The following ARMH1 variants were observed in gnomAD, a reference collection of about 807,000 sequenced individuals.
ARMH1 encodes armadillo-like helical domain containing protein 1.
Under a neutral mutation model 50.2 loss-of-function variants are expected in ARMH1, and 34 were observed. That is an observed-to-expected ratio of 0.68 (90% CI 0.51 to 0.90). ARMH1 has a LOEUF of 0.90. Among genes scored for constraint, ARMH1 ranks in the 40% least tolerant of loss-of-function variants. ARMH1 has a pLI of 0.00. For synonymous variants in ARMH1, 221 were observed against 224.2 expected (o/e 0.99, Z 0.13); for missense variants, 538 against 553.9 (o/e 0.97, Z 0.29).
intron 6 of ARMH1, among the ~76,000 whole-genome samples, chr1:44,708,102 C>A (rs1046345731): frequency 6.6e-6 from 1 of 152,150 alleles, no homozygotes; most frequent in Non-Finnish European, 1.5e-5. Flanking sequence ...TCAGAGTAGA[C>A]GGGAAGTTAA....
Position 44,724,348 on chromosome 1 carries a change from C to A in ARMH1, c.876C>A (p.Ser292Arg). ...SDPSVLQLTP[S>R]LPMFLQQAAA... Reference sequence around the variant, plus strand: ...CCTCGGTTCTCCAGCTCACCCCCAGCCTGCCGATGTTTTTGCAGCAGGCCG... The same window carrying A: ...CCTCGGTTCTCCAGCTCACCCCCAGACTGCCGATGTTTTTGCAGCAGGCCG... Residue 292 changes from serine to arginine, a missense_variant, in exon 8 of 12, where the codon AGC becomes AGA. Transcript: ENST00000535358. The surrounding 1 kb of genome is among the most constrained non-coding windows in gnomAD (Gnocchi z 6.4). 6.4e-7 allele frequency: 1 copy of A among 1,551,536 alleles called. No homozygotes were observed. The highest frequency in any genetic ancestry group is 1.2e-5 in the South Asian group (1 of 84,058).
intron 6 of ARMH1, among the ~76,000 whole-genome samples, chr1:44,714,897 G>GT (rs1165197563): frequency 6.6e-6 from 1 of 150,692 alleles, no homozygotes; most frequent in Non-Finnish European, 1.5e-5. Flanking sequence ...TTCTTTTTTT[G>GT]TTGGGGGGGA....
intron 1 of ARMH1, among the ~76,000 whole-genome samples, chr1:44,687,876 G>A (rs1007297296): frequency 2.6e-5 from 4 of 152,176 alleles, no homozygotes; most frequent in African/African-American, 9.7e-5. Context: ...AATGTGCCCT[G>A]CTTAGAGGTC....
chr1:44,699,965 G>T (rs988947540), intron 4 of ARMH1, among the ~76,000 whole-genome samples: 7 of 152,032 alleles, frequency 4.6e-5, no homozygotes, highest in Admixed American at 1.3e-4. Context: ...CAGTAACTGG[G>T]ACTACAGGCG....
intron 4 of ARMH1, 123 bp from the exon 5 acceptor site, chr1:44,700,800 A>G (rs1646049705): frequency 2.6e-6 from 2 of 784,274 alleles, no homozygotes; most frequent in South Asian, 4.2e-5. Flanking sequence ...CCAGGCCTCA[A>G]TTTTGCTTTG....
intron 4 of ARMH1, among the ~76,000 whole-genome samples, chr1:44,700,516 T>C (rs911089544): frequency 2.1e-4 from 32 of 149,050 alleles, no homozygotes; most frequent in Non-Finnish European, 2.4e-4. Flanking sequence ...CCTGGGAGGC[T>C]GAGGCAAGAG....
chr1:44,722,411 T>TAA (rs1245700733), intron 6 of ARMH1, among the ~76,000 whole-genome samples: 1 of 151,272 alleles, frequency 6.6e-6, no homozygotes, highest in Non-Finnish European at 1.5e-5. Flanking sequence ...AATTTAAATT[T>TAA]AAAAAAAAGT....
intron 6 of ARMH1, among the ~76,000 whole-genome samples, chr1:44,713,038 AC>A (rs1187743618): frequency 6.8e-6 from 1 of 146,940 alleles, no homozygotes; most frequent in African/African-American, 2.5e-5. Context: ...TTTTTTTAAG[AC>A]GGAGTCTCGC....
At chr1:44,693,225 G>A (rs1645716673) in intron 2 of ARMH1, among the ~76,000 whole-genome samples, 1 of 152,146 alleles carries the variant, frequency 6.6e-6, no homozygotes, top group Non-Finnish European at 1.5e-5. Flanking sequence ...GAGAAACATT[G>A]CTGCCTATAA....
rs929732965 is a variant in ARMH1 at position 44,718,122 on chromosome 1, C to G, written c.725-6000C>G. On this transcript the variant is annotated intron_variant, in intron 6 of 11. Transcript: ENST00000535358. The stretch of plus-strand genomic sequence containing the variant: ...TTTGGTTCTACATGGGCAGAAAATG[C>G]TATTTGTGGTCAAGAAATTTTCATA... Among the ~76,000 whole-genome samples the G allele has an allele frequency of 2.4e-4, 37 of 152,184 alleles. 1 individual carries two copies. The highest frequency in any genetic ancestry group is 5.2e-4 in the Admixed American group (8 of 15,272).
intron 6 of ARMH1, among the ~76,000 whole-genome samples, chr1:44,723,547 CCT>C (rs1186166957): frequency 1.3e-5 from 2 of 152,168 alleles, no homozygotes; most frequent in African/African-American, 2.4e-5. Flanking sequence ...AAGTGGTTTA[CCT>C]CTCTGTGTCT....
chr1:44,722,149 G>C (rs908773756), intron 6 of ARMH1, among the ~76,000 whole-genome samples: 4 of 152,216 alleles, frequency 2.6e-5, no homozygotes, highest in African/African-American at 9.7e-5. Flanking sequence ...GCCGGAACAA[G>C]AGTTCCTCTA....
Position 44,681,552 on chromosome 1 carries a change from G to A in ARMH1, c.-23+6679G>A, listed in dbSNP as rs1645314079. ...CTAACAAGAAAAATGCCTAAATAGA[G>A]GGGTTAAGGATACAAGGGAGGCAGG... On this transcript the variant is annotated intron_variant, in intron 1 of 11. Coordinates refer to ENST00000535358, the MANE Select transcript of ARMH1 (RefSeq NM_001145636.2). This position sits in a 1 kb window ranked among gnomAD's most constrained non-coding sequence, Gnocchi z 4.3. Among the ~76,000 whole-genome samples the A allele has an allele frequency of 6.6e-6, 1 of 151,600 alleles. No homozygotes were observed.
chr1:44,701,823 GGA>G (rs1646095561), intron 5 of ARMH1, among the ~76,000 whole-genome samples: 1 of 152,028 alleles, frequency 6.6e-6, no homozygotes. Context: ...CAGCTACTTG[GGA>G]GGCTGAGTTC....
rs1290196882 is a variant in ARMH1 at position 44,681,476 on chromosome 1, G to A, written c.-23+6603G>A. 3.3e-5 allele frequency among the ~76,000 whole-genome samples: 5 copies of A among 152,048 alleles called. No homozygotes were observed. The highest frequency in any genetic ancestry group is 2.1e-4 in the South Asian group (1 of 4,818). ...AGTGACAAGAGTGAGCCCCTATCTC[G>A]AATAAATACACTGATAAATAAATAA... is the stretch of plus-strand genomic sequence containing the variant. On this transcript the variant is annotated intron_variant, in intron 1 of 11. Transcript: ENST00000535358. This position sits in a 1 kb window ranked among gnomAD's most constrained non-coding sequence, Gnocchi z 4.3.
intron 6 of ARMH1, among the ~76,000 whole-genome samples, chr1:44,704,506 G>T (rs78274085): frequency 0.03 from 4,142 of 136,858 alleles, 143 homozygotes; most frequent in African/African-American, 0.089. Flanking sequence ...TTGGTTGGTT[G>T]TTTTTGCTGG....
intron 6 of ARMH1, among the ~76,000 whole-genome samples, chr1:44,709,628 T>G (rs1018699938): frequency 6.6e-6 from 1 of 150,648 alleles, no homozygotes; most frequent in East Asian, 1.9e-4. Context: ...GCTGAAATCA[T>G]GCCATTGCAC....
Position 44,678,288 on chromosome 1 carries a change from G to A in ARMH1, c.-23+3415G>A, listed in dbSNP as rs150897381. On this transcript the variant is annotated intron_variant, in intron 1 of 11. Transcript: ENST00000535358. ...TCTGGGGAGAAGAAGAGTGGGGGCT[G>A]TGGGTAGGAATGAGGGCAAGTGGGG... Among the ~76,000 whole-genome samples, 22 of 152,128 alleles carry A rather than the reference G, an allele frequency of 1.4e-4. No individual in the cohort carries two copies. In the East Asian group the frequency reaches 3.9e-3, roughly 27 times the overall value.
chr1:44,681,294 C>T lies in ARMH1; in HGVS notation c.-23+6421C>T, dbSNP rs111403226. On this transcript the variant is annotated intron_variant, in intron 1 of 11. Transcript: ENST00000535358. This position sits in a 1 kb window ranked among gnomAD's most constrained non-coding sequence, Gnocchi z 4.3. ...ACAAGCGTGAGCCACTGCGCCCGGC[C>T]GTGAGGCTCCATTTCTAAAAAATTT... Among the ~76,000 whole-genome samples the T allele has an allele frequency of 5.3e-5, 8 of 152,062 alleles. No individual in the cohort carries two copies. Among genetic ancestry groups the T allele is most frequent in the Non-Finnish European group, 7.4e-5 (5 of 68,010 alleles).
Sources: allele counts gnomAD v4.1 joint callset (sites outside exome capture counted in the v4.1 genomes callset), GRCh38; gene constraint gnomAD v4.1.1; non-coding constraint Gnocchi (gnomAD v3.1); transcripts MANE v1.5; gene names NCBI Gene and HGNC (gene_info 2026-07-23, HGNC 2026-07-21).